HFE: variants seen among roughly 807,000 people sequenced by gnomAD.
The protein encoded by HFE is homeostatic iron regulator.
In HFE, 36 loss-of-function variants were observed where a neutral mutation model predicts 40.9. The ratio of observed to expected loss-of-function variants is 0.88; its 90% CI spans 0.67 to 1.16. HFE has a LOEUF of 1.16. HFE is among the 50% of genes most tolerant of loss of function. The probability of loss-of-function intolerance (pLI) is 0.00; values close to 1 mark genes in which losing one functional copy is unlikely to be tolerated. For synonymous variants in HFE, 157 were observed against 165.4 expected (o/e 0.95, Z 0.39); for missense variants, 376 against 432.0 (o/e 0.87, Z 1.15).
rs751743906 is a variant in HFE, at chr6:26,091,271, C to G, written c.341-43C>G. ...CCTTGGGGATGGTGGAAATAGGGAC[C>G]TATTCCTTTGGTTGCAGTTAACAAG... On this transcript the variant is annotated intron_variant, in intron 2 of 5. Coordinates refer to ENST00000357618, the MANE Select transcript of HFE (RefSeq NM_000410.4). 4 of 1,613,372 alleles carry G rather than the reference C, an allele frequency of 2.5e-6. No homozygotes were observed. In the South Asian group the frequency reaches 4.4e-5, roughly 18 times the overall value.
At position 26,096,406 on chromosome 6, in the gene HFE, T is replaced by C. The variant is rs967006564; in HGVS notation, c.*2180T>C. The C allele has an allele frequency of 6.6e-6, 3 of 454,664 alleles. No homozygotes were observed. The highest frequency in any genetic ancestry group is 6.0e-5 in the African/African-American group (3 of 49,990). 28.2% of individuals were successfully genotyped at this position (454,664 alleles called of 1,614,324 possible). On this transcript the variant is annotated 3_prime_UTR_variant, in exon 6 of 6. Coordinates refer to ENST00000357618, the MANE Select transcript of HFE (RefSeq NM_000410.4). ...GCCTCGGCCTCCCAAAGTGCTGAGA[T>C]TACAGGTGTGAGCCACCCTGCCCAG...
Position 26,094,601 on chromosome 6 carries a change from T to A in HFE, c.*375T>A. On this transcript the variant is annotated 3_prime_UTR_variant, in exon 6 of 6. Transcript: ENST00000357618. ...GGGACTTACATGATTCATTTTAACA[T>A]CTGAGAAAAGCTTTGAACCCTGGGA... 1.6e-6 allele frequency: 1 copy of A among 629,796 alleles called. No homozygotes were observed. The highest frequency in any genetic ancestry group is 2.8e-6 in the Non-Finnish European group (1 of 353,468). The allele number at this position is 629,796 out of a possible 1,614,324, so 39.0% of individuals were successfully genotyped here. A position where few individuals can be genotyped will look rare whatever the true frequency, so the allele number is the denominator to read the frequency against.
At position 26,094,437 on chromosome 6, in the gene HFE, C is replaced by G. The variant is rs1183251141; in HGVS notation, c.*211C>G. 1 of 704,892 alleles carries G rather than the reference C, an allele frequency of 1.4e-6. No individual in the cohort carries two copies. The allele number at this position is 704,892 out of a possible 1,614,324, so 43.7% of individuals were successfully genotyped here. The stretch of plus-strand genomic sequence containing the variant: ...GTTCCTGCATGCCGGTGATCCCTAG[C>G]TGTGACCTCTCCCCTGGAACTGTCT... On this transcript the variant is annotated 3_prime_UTR_variant, in exon 6 of 6. Transcript: ENST00000357618.
chr6:26,092,804 A>C lies in HFE; in HGVS notation c.736A>C (p.Met246Leu). 2 of 1,614,196 alleles carry C rather than the reference A, an allele frequency of 1.2e-6. No homozygotes were observed. Among genetic ancestry groups the C allele is most frequent in the Non-Finnish European group, 1.7e-6 (2 of 1,180,008 alleles). ...GAAGTGGCTGAAGGATAAGCAGCCAATGGATGCCAAGGAGTTCGAACCTAA... is the reference window on the plus strand; with the variant it reads ...GAAGTGGCTGAAGGATAAGCAGCCACTGGATGCCAAGGAGTTCGAACCTAA... ...TMKWLKDKQP[M>L]DAKEFEPKDV... The change falls in exon 4 of 6, where the codon ATG (methionine) becomes CTG (leucine). Residue 246 changes from methionine to leucine, a missense_variant. By Grantham distance (15) the Met-to-Leu change is conservative (BLOSUM62 2). This residue lies in a region of HFE where 173 missense variants were observed against 186.9 expected (regional missense o/e 0.93). Transcript: ENST00000357618.
rs370285936 is a variant in HFE, at chr6:26,094,207, T to A, written c.1028T>A (p.Val343Asp). The A allele has an allele frequency of 6.2e-7, 1 of 1,613,822 alleles. No individual in the cohort carries two copies. Among genetic ancestry groups the A allele is most frequent in the Non-Finnish European group, 8.5e-7 (1 of 1,179,920 alleles). The change falls in exon 6 of 6, where the codon GTC becomes GAC. Residue 343 changes from valine (V) to aspartate (D), a missense_variant. Physicochemically the swap from Val to Asp is radical, Grantham distance 152. Transcript: ENST00000357618. ...ACAGGAGGAGCCATGGGGCACTACG[T>A]CTTAGCTGAACGTGAGTGACACGCA... ...QGSRGAMGHY[V>D]LAERE
Position 26,091,440 on chromosome 6 carries a change from G to C in HFE, c.467G>C (p.Arg156Thr), listed in dbSNP as rs1413588261. The change falls in exon 3 of 6, where the codon AGA (arginine) becomes ACA (threonine). Residue 156 changes from arginine to threonine, a missense_variant. Around this residue, in one of 3 missense-constraint regions of HFE, gnomAD observed 200 missense variants for 228.5 expected, o/e 0.88. Coordinates refer to ENST00000357618, the MANE Select transcript of HFE (RefSeq NM_000410.4). ...LEFCPDTLDW[R>T]AAEPRAWPTK... Reference sequence around the variant, plus strand: ...TTCTGCCCTGACACACTGGATTGGAGAGCAGCAGAACCCAGGGCCTGGCCC... The same window carrying C: ...TTCTGCCCTGACACACTGGATTGGACAGCAGCAGAACCCAGGGCCTGGCCC... 1.9e-6 allele frequency: 3 copies of C among 1,614,056 alleles called. No individual in the cohort carries two copies. Among genetic ancestry groups the C allele is most frequent in the East Asian group, 2.2e-5 (1 of 44,890 alleles).
Position 26,094,582 on chromosome 6 carries a change from T to TA in HFE, c.*357dup. The TA allele has an allele frequency of 1.5e-6, 1 of 646,008 alleles. No individual in the cohort carries two copies. The highest frequency in any genetic ancestry group is 2.8e-6 in the Non-Finnish European group (1 of 360,756). The allele number at this position is 646,008 out of a possible 1,614,324, so 40.0% of individuals were successfully genotyped here. The stretch of plus-strand genomic sequence containing the variant: ...GAGGACTCCTTAAATTTGGGGGACT[T>TA]ACATGATTCATTTTAACATCTGAGA... On this transcript the variant is annotated 3_prime_UTR_variant, in exon 6 of 6. Coordinates refer to ENST00000357618, the MANE Select transcript of HFE (RefSeq NM_000410.4).
chr6:26,087,601 G>C, intron 1 of HFE, 85 bp downstream of exon 1: 1 of 1,261,476 alleles, frequency 7.9e-7, no homozygotes, highest in Non-Finnish European at 1.1e-6. Context: ...TTGGGAGTTT[G>C]CTAACTTTGG....
At chr6:26,094,160 C>CT in intron 5 of HFE, 26 bp from the exon 6 acceptor site, 3 of 1,613,172 alleles carry the variant, frequency 1.9e-6, no homozygotes, top group Non-Finnish European at 2.5e-6. Flanking sequence ...TGTGATGCCT[C>CT]TTTCCTGGGT....
In HFE at chr6:26,097,478, A is replaced by G. The variant is rs573824791; in HGVS notation, c.*3252A>G. The stretch of plus-strand genomic sequence containing the variant: ...AAGAGAAGGGTGACACCTGGTGGCC[A>G]TAGGTAAATGTACCACGGTGGTCCG... On this transcript the variant is annotated 3_prime_UTR_variant, in exon 6 of 6. Transcript: ENST00000357618. 2 of 152,252 alleles carry G rather than the reference A, an allele frequency of 1.3e-5. No homozygotes were observed. Among genetic ancestry groups the G allele is most frequent in the South Asian group, 2.1e-4 (1 of 4,834 alleles). 9.4% of individuals were successfully genotyped at this position (152,252 alleles called of 1,614,324 possible).
At position 26,094,578 on chromosome 6, in the gene HFE, G is replaced by A. The variant is rs913894503; in HGVS notation, c.*352G>A. On this transcript the variant is annotated 3_prime_UTR_variant, in exon 6 of 6. Transcript: ENST00000357618. The stretch of plus-strand genomic sequence containing the variant: ...GGAAGAGGACTCCTTAAATTTGGGG[G>A]ACTTACATGATTCATTTTAACATCT... 4.6e-6 allele frequency: 3 copies of A among 649,162 alleles called. No homozygotes were observed. In the African/African-American group the frequency reaches 5.5e-5, roughly 12 times the overall value. 40.2% of individuals were successfully genotyped at this position (649,162 alleles called of 1,614,324 possible). A position where few individuals can be genotyped will look rare whatever the true frequency, so the allele number is the denominator to read the frequency against.
chr6:26,094,622 TG>T lies in HFE; in HGVS notation c.*399del. ...AACATCTGAGAAAAGCTTTGAACCC[TG>T]GGACGTGGCTAGTCATAACCTTACC... On this transcript the variant is annotated 3_prime_UTR_variant, in exon 6 of 6. Transcript: ENST00000357618. 1 of 611,934 alleles carries T rather than the reference TG, an allele frequency of 1.6e-6. No individual in the cohort carries two copies. Among genetic ancestry groups the T allele is most frequent in the Non-Finnish European group, 2.9e-6 (1 of 344,462 alleles). 37.9% of individuals were successfully genotyped at this position (611,934 alleles called of 1,614,324 possible).
Position 26,091,453 on chromosome 6 carries a change from C to T in HFE, c.480C>T (p.Pro160=). ...CACTGGATTGGAGAGCAGCAGAACC[C>T]AGGGCCTGGCCCACCAAGCTGGAGT... ...PDTLDWRAAE[P]RAWPTKLEWE... Residue 160 remains proline, a synonymous_variant, in exon 3 of 6, where the codon CCC becomes CCT. Transcript: ENST00000357618. 1 of 1,614,160 alleles carries T rather than the reference C, an allele frequency of 6.2e-7. No individual in the cohort carries two copies. The highest frequency in any genetic ancestry group is 2.2e-5 in the East Asian group (1 of 44,880).
Position 26,092,942 on chromosome 6 carries a change from C to T in HFE, c.874C>T (p.Pro292Ser), listed in dbSNP as rs1406437385. The T allele has an allele frequency of 6.2e-7, 1 of 1,614,076 alleles. No homozygotes were observed. Among genetic ancestry groups the T allele is most frequent in the Non-Finnish European group, 8.5e-7 (1 of 1,180,026 alleles). Residue 292 changes from proline (P) to serine (S), a missense_variant, in exon 4 of 6, where the codon CCC (proline) becomes TCC (serine). Coordinates refer to ENST00000357618, the MANE Select transcript of HFE (RefSeq NM_000410.4). ...GGTGGAGCACCCAGGCCTGGATCAG[C>T]CCCTCATTGTGATCTGGGGTATGTG... ...CQVEHPGLDQ[P>S]LIVIWEPSPS...
At position 26,094,624 on chromosome 6, in the gene HFE, G is replaced by T; in HGVS notation, c.*398G>T. The T allele has an allele frequency of 1.6e-6, 1 of 610,592 alleles. No homozygotes were observed. Among genetic ancestry groups the T allele is most frequent in the Non-Finnish European group, 2.9e-6 (1 of 343,812 alleles). 37.8% of individuals were successfully genotyped at this position (610,592 alleles called of 1,614,324 possible). On this transcript the variant is annotated 3_prime_UTR_variant, in exon 6 of 6. Transcript: ENST00000357618. ...CATCTGAGAAAAGCTTTGAACCCTG[G>T]GACGTGGCTAGTCATAACCTTACCA...
intron 5 of HFE, 132 bp downstream of exon 5, chr6:26,093,364 C>A: frequency 1.4e-6 from 1 of 700,984 alleles, no homozygotes; most frequent in Admixed American, 2.2e-5. Flanking sequence ...CAGCAGCTCC[C>A]TGGGAGACAG....
In HFE at chr6:26,090,847, ACT is replaced by A; in HGVS notation, c.88_89del (p.Leu30AlafsTer18). 1.2e-6 allele frequency: 2 copies of A among 1,613,542 alleles called. No homozygotes were observed. The highest frequency in any genetic ancestry group is 1.7e-6 in the Non-Finnish European group (2 of 1,179,934). Reference sequence around the variant, plus strand: ...CCTGTTGCTCTGTCTCCAGGTTCACACTCTCTGCACTACCTCTTCATGGGTGC... The same window carrying A: ...CCTGTTGCTCTGTCTCCAGGTTCACACTCTGCACTACCTCTTCATGGGTGC... On this transcript the variant is annotated frameshift_variant, in exon 2 of 6. Coordinates refer to ENST00000357618, the MANE Select transcript of HFE (RefSeq NM_000410.4). LOFTEE classifies it high-confidence loss of function.
In HFE at chr6:26,094,381, C is replaced by T. The variant is rs192228238; in HGVS notation, c.*155C>T. The T allele has an allele frequency of 6.3e-4, 479 of 758,582 alleles. No individual in the cohort carries two copies. The highest frequency in any genetic ancestry group is 4.7e-4 in the Non-Finnish European group (206 of 434,132). 47.0% of individuals were successfully genotyped at this position (758,582 alleles called of 1,614,324 possible). A position where few individuals can be genotyped will look rare whatever the true frequency, so the allele number is the denominator to read the frequency against. On this transcript the variant is annotated 3_prime_UTR_variant, in exon 6 of 6. Coordinates refer to ENST00000357618, the MANE Select transcript of HFE (RefSeq NM_000410.4). ...GATTTTAGCCTTCTCTGTTCATTTCCTCAAAAAGATTTCCCCATTTAGGTT... is the reference window on the plus strand; with the variant it reads ...GATTTTAGCCTTCTCTGTTCATTTCTTCAAAAAGATTTCCCCATTTAGGTT...
At chr6:26,087,837 A>G (rs1762392502) in intron 1 of HFE, among the ~76,000 whole-genome samples, 1 of 152,202 alleles carries the variant, frequency 6.6e-6, no homozygotes, top group South Asian at 2.1e-4. Flanking sequence ...GAGCTGAGCT[A>G]AGCCTGGGGC....
Sources: allele counts gnomAD v4.1 joint callset (sites outside exome capture counted in the v4.1 genomes callset), GRCh38; gene constraint gnomAD v4.1.1; regional missense constraint gnomAD v4.1.1; transcripts MANE v1.5; gene names NCBI Gene and HGNC (gene_info 2026-07-23, HGNC 2026-07-21).